Variants in SENP7 observed in about 807,000 individuals in gnomAD.
SENP7 encodes sentrin-specific protease 7.
Under a neutral mutation model 141.2 loss-of-function variants are expected in SENP7, and 64 were observed. The ratio of observed to expected loss-of-function variants is 0.45; its 90% CI spans 0.37 to 0.56. The LOEUF (loss-of-function observed/expected upper bound fraction) is 0.56. SENP7 is among the 20% of genes least tolerant of loss of function. The pLI is 0.00. For missense variants in SENP7, 1,025 were observed against 1,212.2 expected (o/e 0.85, Z 2.29); for synonymous variants, 382 against 426.4 (o/e 0.90, Z 1.28).
chr3:101,356,470 A>G (rs867314042), intron 11 of SENP7, among the ~76,000 whole-genome samples: 2 of 152,188 alleles, frequency 1.3e-5, no homozygotes, highest in Non-Finnish European at 1.5e-5. Context: ...TACATTTTCA[A>G]TGTAATTACA....
intron 11 of SENP7, among the ~76,000 whole-genome samples, chr3:101,354,150 C>A (rs2059678942): frequency 6.6e-6 from 1 of 151,940 alleles, no homozygotes; most frequent in Non-Finnish European, 1.5e-5. Flanking sequence ...TTCTTCTCAG[C>A]CTTTGTTCAC....
At chr3:101,449,157 G>A (rs1171784947) in intron 4 of SENP7, among the ~76,000 whole-genome samples, 2 of 152,120 alleles carry the variant, frequency 1.3e-5, no homozygotes, top group African/African-American at 2.4e-5. Flanking sequence ...GAAATGAAGA[G>A]AGAAGTTTAG....
chr3:101,369,960 A>C (rs2107419944), intron 7 of SENP7, among the ~76,000 whole-genome samples: 1 of 152,306 alleles, frequency 6.6e-6, no homozygotes, highest in African/African-American at 2.4e-5. Flanking sequence ...AAATTCCACA[A>C]GGCAAACTTA....
rs2107166658 is a variant in SENP7 at position 101,325,481 on chromosome 3, T to G, written c.*462A>C. ...AATTATTTTTTTAAAAAATACACAG[T>G]ATTCATACTGCATGCTTGAGCTGCA... On this transcript the variant is annotated 3_prime_UTR_variant, in exon 24 of 24. Transcript: ENST00000394095. The G allele has an allele frequency of 6.5e-6, 1 of 152,716 alleles. No individual in the cohort carries two copies. The highest frequency in any genetic ancestry group is 3.4e-3 in the Middle Eastern group (1 of 294). The allele number at this position is 152,716 out of a possible 1,614,324, so 9.5% of individuals were successfully genotyped here.
At chr3:101,376,257 A>G (rs1314523831) in intron 6 of SENP7, among the ~76,000 whole-genome samples, 1 of 152,178 alleles carries the variant, frequency 6.6e-6, no homozygotes, top group Non-Finnish European at 1.5e-5. Context: ...GAAGATGGAA[A>G]AAGTCCTGGA....
intron 4 of SENP7, among the ~76,000 whole-genome samples, chr3:101,424,194 C>T (rs2061878331): frequency 6.6e-6 from 1 of 152,064 alleles, no homozygotes; most frequent in African/African-American, 2.4e-5. Context: ...CCCTGGGGTC[C>T]TGTATCACTG....
At position 101,455,753 on chromosome 3, in the gene SENP7, A is replaced by G. The variant is rs76047354; in HGVS notation, c.284+3202T>C. Among the ~76,000 whole-genome samples the G allele has an allele frequency of 8.8e-3, 1,334 of 152,318 alleles. 21 individuals are homozygous for G. Among genetic ancestry groups the G allele is most frequent in the African/African-American group, 0.031 (1,285 of 41,590 alleles). On this transcript the variant is annotated intron_variant, in intron 4 of 23. Transcript: ENST00000394095. Reference sequence around the variant, plus strand: ...TAATTTCTCATTCCTGTTGTTTTGAACCAAGTCACTTCCTAATTCTGCCTG... The same window carrying G: ...TAATTTCTCATTCCTGTTGTTTTGAGCCAAGTCACTTCCTAATTCTGCCTG...
intron 20 of SENP7, among the ~76,000 whole-genome samples, chr3:101,329,689 G>A (rs959808101): frequency 1.3e-5 from 2 of 149,312 alleles, no homozygotes; most frequent in Non-Finnish European, 3.0e-5. Flanking sequence ...TCTAATCTCA[G>A]CACTTTGGGA....
intron 4 of SENP7, among the ~76,000 whole-genome samples, chr3:101,428,259 G>C (rs1034284756): frequency 9.9e-5 from 15 of 152,152 alleles, no homozygotes; most frequent in African/African-American, 3.4e-4. Flanking sequence ...TTACATCCTT[G>C]AGGAGTCACC....
chr3:101,334,466 T>A (rs1354032506), intron 17 of SENP7, among the ~76,000 whole-genome samples: 1 of 152,006 alleles, frequency 6.6e-6, no homozygotes, highest in Non-Finnish European at 1.5e-5. Flanking sequence ...TCAAGTCATA[T>A]AGGAAACTGA....
At chr3:101,403,554 T>C (rs1374790805) in intron 5 of SENP7, among the ~76,000 whole-genome samples, 1 of 152,194 alleles carries the variant, frequency 6.6e-6, no homozygotes, top group Non-Finnish European at 1.5e-5. Flanking sequence ...CAATGCTAAT[T>C]TGCCAAAGGA....
At chr3:101,492,862 C>T (rs140657645) in intron 3 of SENP7, among the ~76,000 whole-genome samples, 200 of 152,206 alleles carry the variant, frequency 1.3e-3, no homozygotes, top group African/African-American at 4.6e-3. Context: ...TAGCCAGGCA[C>T]CTGCTTGTAT....
chr3:101,390,393 G>A (rs1184744553), intron 6 of SENP7, among the ~76,000 whole-genome samples: 4 of 149,188 alleles, frequency 2.7e-5, no homozygotes, highest in African/African-American at 9.9e-5. Context: ...AAGCATGCAA[G>A]AGCAGCTATA....
rs536931043 is a variant in SENP7 at position 101,478,085 on chromosome 3, C to T, written c.186+15788G>A. On this transcript the variant is annotated intron_variant, in intron 3 of 23. Coordinates refer to ENST00000394095, the MANE Select transcript of SENP7 (RefSeq NM_020654.5). The stretch of plus-strand genomic sequence containing the variant: ...ATACCAGAGAAATACAAAAGATTAT[C>T]AGAGACTACTATGAACAACTACGAG... Among the ~76,000 whole-genome samples the T allele has an allele frequency of 2.4e-4, 37 of 152,046 alleles. 1 individual carries two copies. The South Asian group carries it at 4.2e-3, about 17-fold the overall frequency.
chr3:101,361,697 T>G lies in SENP7; in HGVS notation c.1623+18A>C. On this transcript the variant is annotated intron_variant, in intron 11 of 23. Transcript: ENST00000394095. ...TCCAAGATCCAAACTAAAAGAAAAT[T>G]AAAGAAAATATACTTACTGTAACAC... The G allele has an allele frequency of 2.0e-6, 3 of 1,515,688 alleles. No homozygotes were observed. Among genetic ancestry groups the G allele is most frequent in the Non-Finnish European group, 2.6e-6 (3 of 1,139,070 alleles). 93.9% of individuals were successfully genotyped at this position (1,515,688 alleles called of 1,614,324 possible).
chr3:101,397,237 T>C lies in SENP7; in HGVS notation c.677+1624A>G, dbSNP rs2060996064. On this transcript the variant is annotated intron_variant, in intron 6 of 23. Transcript: ENST00000394095. Reference sequence around the variant, plus strand: ...ATCTTGAATTCCTGGGCTCAAGCGATCCTCCCACCTCAGCCTCCCAAGTAG... The same window carrying C: ...ATCTTGAATTCCTGGGCTCAAGCGACCCTCCCACCTCAGCCTCCCAAGTAG... 2.0e-5 allele frequency among the ~76,000 whole-genome samples: 3 copies of C among 152,260 alleles called. No homozygotes were observed. In the South Asian group the frequency reaches 6.2e-4, roughly 32 times the overall value.
intron 6 of SENP7, among the ~76,000 whole-genome samples, chr3:101,382,043 A>G (rs920702866): frequency 6.6e-6 from 1 of 152,214 alleles, no homozygotes; most frequent in African/African-American, 2.4e-5. Flanking sequence ...TTGGAAGTCT[A>G]TATTAGAGTC....
At chr3:101,344,434 A>C (rs2059402573) in intron 13 of SENP7, among the ~76,000 whole-genome samples, 3 of 152,160 alleles carry the variant, frequency 2.0e-5, no homozygotes, top group Non-Finnish European at 4.4e-5. Flanking sequence ...CTGCTATTTA[A>C]TCATGAATTT....
At chr3:101,367,800 T>G in intron 8 of SENP7, 30 bp downstream of exon 8, 1 of 1,342,118 alleles carries the variant, frequency 7.5e-7, no homozygotes, top group Non-Finnish European at 1.0e-6. Context: ...ATGAAATTAT[T>G]TCCTATAATA....
Sources: gnomAD v4.1 joint callset for allele counts (sites outside exome capture counted in the v4.1 genomes callset) on GRCh38, gnomAD v4.1.1 for gene constraint, MANE v1.5 for transcripts, NCBI Gene and HGNC (gene_info 2026-07-23, HGNC 2026-07-21) for gene names.